ZNF414: variants seen among roughly 807,000 people sequenced by gnomAD.
ZNF414 encodes the protein zinc finger protein 414.
ZNF414 carries 32 observed loss-of-function variants against 38.3 expected under a neutral mutation model. That is an observed-to-expected ratio of 0.83 (90% confidence interval 0.63 to 1.12). ZNF414 has a LOEUF of 1.12. Among genes scored for constraint, ZNF414 ranks in the 50% most tolerant of loss-of-function variants. ZNF414 has a pLI of 0.00. For synonymous variants in ZNF414, 256 were observed against 248.0 expected, an observed-to-expected ratio of 1.03 and a Z score of -0.30; for missense variants, 589 against 557.4, an observed-to-expected ratio of 1.06 and a Z score of -0.57.
intron 6 of ZNF414, 54 bp from the exon 7 acceptor site, chr19:8,511,078 G>C (rs1971906653): frequency 8.6e-6 from 11 of 1,284,492 alleles, no homozygotes; most frequent in South Asian, 7.7e-5. Context: ...CAGAAGACCC[G>C]TGCGCCAAGG....
At position 8,513,131 on chromosome 19, in the gene ZNF414, G is replaced by C. The variant is rs769425697; in HGVS notation, c.214C>G (p.Pro72Ala). ...GGMQQGSSPAPDSCQPGPGPS... is the reference protein window; with the variant it reads ...GGMQQGSSPAADSCQPGPGPS... ...CCGGGGCCAGGCTGGCAGCTGTCTG[G>C]GGCTGGGGAGGAGCCCTGCTGCATC... is the stretch of plus-strand genomic sequence containing the variant. Residue 72 changes from proline (P) to alanine (A), a missense_variant, in exon 2 of 8, where the codon CCA becomes GCA. Pro to Ala is a conservative substitution (Grantham distance 27, BLOSUM62 -1). Coordinates refer to ENST00000393927, the MANE Select transcript of ZNF414 (RefSeq NM_001146175.2). The C allele has an allele frequency of 1.9e-6, 3 of 1,541,868 alleles. No homozygotes were observed. The highest frequency in any genetic ancestry group is 2.6e-6 in the Non-Finnish European group (3 of 1,146,718).
chr19:8,514,035 C>T lies in ZNF414; in HGVS notation c.3+9G>A, dbSNP rs1971956252. The T allele has an allele frequency of 1.4e-6, 2 of 1,469,474 alleles. No homozygotes were observed. The highest frequency in any genetic ancestry group is 9.0e-7 in the Non-Finnish European group (1 of 1,111,172). 91.0% of individuals were successfully genotyped at this position (1,469,474 alleles called of 1,614,324 possible). On this transcript the variant is annotated intron_variant, in intron 1 of 7. Coordinates refer to ENST00000393927, the MANE Select transcript of ZNF414 (RefSeq NM_001146175.2). ...TCCGCCGCGCCCGCGACCCCGGTGCCGCGCTCACCATCTTCGACACGGCTC... is the reference window on the plus strand; with the variant it reads ...TCCGCCGCGCCCGCGACCCCGGTGCTGCGCTCACCATCTTCGACACGGCTC...
chr19:8,511,502 G>A lies in ZNF414; in HGVS notation c.909C>T (p.Gly303=), dbSNP rs761458551. The A allele has an allele frequency of 6.2e-7, 1 of 1,609,952 alleles. No homozygotes were observed. Residue 303 remains glycine, a synonymous_variant, in exon 6 of 8, where the codon GGC becomes GGT. Coordinates refer to ENST00000393927, the MANE Select transcript of ZNF414 (RefSeq NM_001146175.2). Reference sequence around the variant, plus strand: ...TGCACGCACCTGAGGGCGCGTCGGAGCCGCCCTGGGGTCTTCGGGGGCTGC... The same window carrying A: ...TGCACGCACCTGAGGGCGCGTCGGAACCGCCCTGGGGTCTTCGGGGGCTGC... ...AGSSPRRPQG[G]SDAPSGHAAP...
chr19:8,510,628 T>A lies in ZNF414; in HGVS notation c.*63A>T. ...ATTGTCCACCCCAGCCCCCCTTCCC[T>A]GCAGCCCCCTCCAAATGACAAAACT... On this transcript the variant is annotated 3_prime_UTR_variant, in exon 8 of 8. Transcript: ENST00000393927. 1.5e-6 allele frequency: 2 copies of A among 1,315,092 alleles called. No individual in the cohort carries two copies. The highest frequency in any genetic ancestry group is 2.1e-6 in the Non-Finnish European group (2 of 964,814). The allele number at this position is 1,315,092 out of a possible 1,614,324, so 81.5% of individuals were successfully genotyped here. A position where few individuals can be genotyped will look rare whatever the true frequency, so the allele number is the denominator to read the frequency against.
intron 1 of ZNF414, among the ~76,000 whole-genome samples, chr19:8,513,700 A>G (rs1971950814): frequency 1.3e-5 from 2 of 151,830 alleles, no homozygotes; most frequent in South Asian, 4.2e-4. Context: ...GGGCGGGGCC[A>G]AGGCTACGGA....
rs1971919689 is a variant in ZNF414, at chr19:8,511,804, T to C, written c.687A>G (p.Ala229=). The C allele has an allele frequency of 7.2e-7, 1 of 1,392,676 alleles. No homozygotes were observed. The highest frequency in any genetic ancestry group is 2.8e-5 in the East Asian group (1 of 35,828). The allele number at this position is 1,392,676 out of a possible 1,614,324, so 86.3% of individuals were successfully genotyped here. A position where few individuals can be genotyped will look rare whatever the true frequency, so the allele number is the denominator to read the frequency against. The change falls in exon 5 of 8, where the codon GCA becomes GCG. Residue 229 remains alanine (A), a synonymous_variant. Coordinates refer to ENST00000393927, the MANE Select transcript of ZNF414 (RefSeq NM_001146175.2). ...GCGGGAACGGCAGGCCCGGCGCTGA[T>C]GCGGGGTCAACCTCCGGGGGGCGCT... ...APERPPEVDP[A]SAPGLPFPLL... is the part of the protein sequence containing the mutation.
Position 8,511,501 on chromosome 19 carries a change from A to G in ZNF414, c.910T>C (p.Ser304Pro), listed in dbSNP as rs753304236. The part of the protein sequence containing the change: ...GSSPRRPQGG[S>P]DAPSGHAAPS... ...CTGCACGCACCTGAGGGCGCGTCGG[A>G]GCCGCCCTGGGGTCTTCGGGGGCTG... Residue 304 changes from serine (S) to proline (P), a missense_variant, in exon 6 of 8, where the codon TCC becomes CCC. Coordinates refer to ENST00000393927, the MANE Select transcript of ZNF414 (RefSeq NM_001146175.2). 2.5e-6 allele frequency: 4 copies of G among 1,609,886 alleles called. No homozygotes were observed. In the African/African-American group the frequency reaches 4.0e-5, roughly 16 times the overall value.
chr19:8,512,034 C>A (rs748113152), intron 4 of ZNF414, 74 bp from the exon 5 acceptor site: 1 of 1,393,584 alleles, frequency 7.2e-7, no homozygotes, highest in East Asian at 2.6e-5. Context: ...GCAATGCCAC[C>A]CGCCCTTCGA....
At chr19:8,514,002 C>T (rs1403449801) in intron 1 of ZNF414, 42 bp downstream of exon 1, 3 of 1,428,128 alleles carry the variant, frequency 2.1e-6, no homozygotes, top group African/African-American at 1.5e-5. Context: ...CCCGCCAGTC[C>T]CCGCAGCTCC....
At position 8,512,503 on chromosome 19, in the gene ZNF414, TGAAGGACAGA is replaced by T. The variant is rs780476668; in HGVS notation, c.425-21_425-12del. On this transcript the variant is annotated splice_polypyrimidine_tract_variant and intron_variant, in intron 3 of 7. Transcript: ENST00000393927. Reference sequence around the variant, plus strand: ...AGCGGAAGAGCTTGCCTGGTAGGGATGAAGGACAGAGAAGTGGAGACAGGTGGCCAAGGCT... The same window carrying T: ...AGCGGAAGAGCTTGCCTGGTAGGGATGAAGTGGAGACAGGTGGCCAAGGCT... The T allele has an allele frequency of 1.1e-5, 18 of 1,613,850 alleles. No individual in the cohort carries two copies. In the African/African-American group the frequency reaches 2.4e-4, roughly 22 times the overall value.
At chr19:8,513,889 G>A (rs191184311) in intron 1 of ZNF414, among the ~76,000 whole-genome samples, 155 bp downstream of exon 1, 2 of 152,332 alleles carry the variant, frequency 1.3e-5, no homozygotes, top group African/African-American at 2.4e-5. Context: ...ATTCCGGGCC[G>A]GGCCCGGAAG....
rs1347459787 is a variant in ZNF414 at position 8,513,323 on chromosome 19, G to A, written c.22C>T (p.Pro8Ser). 6.3e-7 allele frequency: 1 copy of A among 1,591,950 alleles called. No individual in the cohort carries two copies. The highest frequency in any genetic ancestry group is 1.1e-5 in the South Asian group (1 of 89,632). Reference protein sequence around the residue: MEEKPSGPIPDMLATAEP... With the variant: MEEKPSGSIPDMLATAEP... Reference sequence around the variant, plus strand: ...GCAGTGGCCAGCATGTCTGGGATGGGCCCTGAGGGTTTCTCCTCCTGGTGG... The same window carrying A: ...GCAGTGGCCAGCATGTCTGGGATGGACCCTGAGGGTTTCTCCTCCTGGTGG... The change falls in exon 2 of 8, where the codon CCC (proline) becomes TCC (serine). Residue 8 changes from proline to serine, a missense_variant. By Grantham distance (74) the Pro-to-Ser change is moderately conservative. Transcript: ENST00000393927.
Position 8,510,530 on chromosome 19 carries a change from GGC to G in ZNF414, c.*159_*160del. The G allele has an allele frequency of 1.3e-6, 1 of 792,426 alleles. No individual in the cohort carries two copies. The highest frequency in any genetic ancestry group is 1.9e-6 in the Non-Finnish European group (1 of 528,544). The allele number at this position is 792,426 out of a possible 1,614,324, so 49.1% of individuals were successfully genotyped here. A position where few individuals can be genotyped will look rare whatever the true frequency, so the allele number is the denominator to read the frequency against. ...AGATGTGATCAATCCATGACTGCTG[GGC>G]TCGAGCCCACTATGCTTTGGATGGA... is the stretch of plus-strand genomic sequence containing the variant. On this transcript the variant is annotated 3_prime_UTR_variant, in exon 8 of 8. Transcript: ENST00000393927.
At position 8,510,688 on chromosome 19, in the gene ZNF414, G is replaced by A; in HGVS notation, c.*3C>T. On this transcript the variant is annotated 3_prime_UTR_variant, in exon 8 of 8. Coordinates refer to ENST00000393927, the MANE Select transcript of ZNF414 (RefSeq NM_001146175.2). ...CCATGGCCCACCCCCAAAGCGGCGG[G>A]ATTCAGAGCTGCGAGAACACTGGAA... 1 of 1,543,572 alleles carries A rather than the reference G, an allele frequency of 6.5e-7. No homozygotes were observed.
At position 8,513,144 on chromosome 19, in the gene ZNF414, G is replaced by C. The variant is rs1469580550; in HGVS notation, c.201C>G (p.Gly67=). Residue 67 remains glycine, a synonymous_variant, in exon 2 of 8, where the codon GGC becomes GGG. Transcript: ENST00000393927. The stretch of plus-strand genomic sequence containing the variant: ...GGCAGCTGTCTGGGGCTGGGGAGGA[G>C]CCCTGCTGCATCCCTCCAGCCCCTC... ...ERGGAGGMQQ[G]SSPAPDSCQP... The C allele has an allele frequency of 6.5e-7, 1 of 1,544,264 alleles. No homozygotes were observed. The highest frequency in any genetic ancestry group is 8.7e-7 in the Non-Finnish European group (1 of 1,148,352).
Position 8,510,672 on chromosome 19 carries a change from A to G in ZNF414, c.*19T>C. The G allele has an allele frequency of 2.0e-6, 3 of 1,495,972 alleles. No individual in the cohort carries two copies. Among genetic ancestry groups the G allele is most frequent in the Non-Finnish European group, 2.7e-6 (3 of 1,113,636 alleles). 92.7% of individuals were successfully genotyped at this position (1,495,972 alleles called of 1,614,324 possible). A position where few individuals can be genotyped will look rare whatever the true frequency, so the allele number is the denominator to read the frequency against. On this transcript the variant is annotated 3_prime_UTR_variant, in exon 8 of 8. Coordinates refer to ENST00000393927, the MANE Select transcript of ZNF414 (RefSeq NM_001146175.2). ...CAAAACTACCCACATCCCATGGCCC[A>G]CCCCCAAAGCGGCGGGATTCAGAGC...
chr19:8,512,184 A>G (rs1971927335), intron 4 of ZNF414: 4 of 1,428,976 alleles, frequency 2.8e-6, no homozygotes, highest in Non-Finnish European at 9.1e-7. Context: ...CCGGTTTTCC[A>G]CTTGGGAGGT....
At chr19:8,513,691 G>A (rs1252286377) in intron 1 of ZNF414, among the ~76,000 whole-genome samples, 1 of 152,214 alleles carries the variant, frequency 6.6e-6, no homozygotes, top group Non-Finnish European at 1.5e-5. Flanking sequence ...AGAGGGAGTG[G>A]GCGGGGCCAA....
chr19:8,512,764 C>T, intron 2 of ZNF414, 53 bp from the exon 3 acceptor site: 3 of 1,431,070 alleles, frequency 2.1e-6, no homozygotes, highest in Non-Finnish European at 9.3e-7. Context: ...TAGTGCTGTC[C>T]CTGACCCCAG....
Sources: allele counts gnomAD v4.1 joint callset (sites outside exome capture counted in the v4.1 genomes callset), GRCh38; gene constraint gnomAD v4.1.1; transcripts MANE v1.5; gene names NCBI Gene and HGNC (gene_info 2026-07-23, HGNC 2026-07-21).